RBM41: variants seen among roughly 807,000 people sequenced by gnomAD.
RBM41 encodes RNA-binding protein 41.
In RBM41, 14 loss-of-function variants were observed where a neutral mutation model predicts 30.8. The observed-to-expected ratio is 0.45, with a 90% CI of 0.30 to 0.71. The LOEUF is 0.71. RBM41 is among the 30% of genes least tolerant of loss of function. RBM41 has a pLI of 0.08. For synonymous variants in RBM41, 120 were observed against 110.1 expected (o/e 1.09, Z -0.56); for missense variants, 276 against 326.3 (o/e 0.85, Z 1.19).
chrX:107,062,238 T>C lies in RBM41; in HGVS notation c.*5289A>G, dbSNP rs763831058. 8.9e-6 allele frequency among the ~76,000 whole-genome samples: 1 copy of C among 112,198 alleles called. No individual in the cohort carries two copies. Among genetic ancestry groups the C allele is most frequent in the Admixed American group, 9.4e-5 (1 of 10,616 alleles). On this transcript the variant is annotated 3_prime_UTR_variant, in exon 8 of 8. Coordinates refer to ENST00000685964, the MANE Select transcript of RBM41 (RefSeq NM_001324242.2). Reference sequence around the variant, plus strand: ...TCATCCAAGTGGTTGCATGTGTATTTCATTAGTTTATTGCTGAGTAGGATT... The same window carrying C: ...TCATCCAAGTGGTTGCATGTGTATTCCATTAGTTTATTGCTGAGTAGGATT...
At chrX:107,104,557 T>G (rs1326417601) in intron 5 of RBM41, among the ~76,000 whole-genome samples, 1 of 111,624 alleles carries the variant, frequency 9.0e-6, no homozygotes. Flanking sequence ...GGCTTAAATT[T>G]TTACATTTCA....
chrX:107,063,950 TTC>T lies in RBM41; in HGVS notation c.*3575_*3576del, dbSNP rs1935740440. 9.4e-6 allele frequency among the ~76,000 whole-genome samples: 1 copy of T among 105,824 alleles called. No individual in the cohort carries two copies. Among genetic ancestry groups the T allele is most frequent in the African/African-American group, 3.6e-5 (1 of 27,959 alleles). The allele number at this position is 105,824 out of a possible 115,157, so 91.9% of individuals were successfully genotyped here. On this transcript the variant is annotated 3_prime_UTR_variant, in exon 8 of 8. Coordinates refer to ENST00000685964, the MANE Select transcript of RBM41 (RefSeq NM_001324242.2). ...TGAGGTTAGTGCTATGGTCTTTCTT[TTC>T]TTTTTTTTTTTTTTTTTGAGATGGA...
chrX:107,077,573 AACACACACACACAC>A (rs35841168), intron 6 of RBM41, among the ~76,000 whole-genome samples: 6 of 92,698 alleles, frequency 6.5e-5, no homozygotes, highest in East Asian at 3.5e-4. Flanking sequence ...CAACATACAT[AACACACACACACAC>A]ACACACACAC....
chrX:107,061,209 T>C (rs975801640), downstream of RBM41, among the ~76,000 whole-genome samples: 2 of 112,111 alleles, frequency 1.8e-5, no homozygotes, highest in African/African-American at 3.2e-5. Flanking sequence ...TAAGGTCTAA[T>C]AGTTAATAGT....
chrX:107,082,138 A>T (rs1338272282), intron 6 of RBM41, among the ~76,000 whole-genome samples: 1 of 111,679 alleles, frequency 9.0e-6, no homozygotes. Flanking sequence ...GTATAATGTT[A>T]GCTGTAGGGT....
intron 5 of RBM41, among the ~76,000 whole-genome samples, chrX:107,092,834 T>A (rs1351862365): frequency 2.7e-5 from 3 of 111,653 alleles, no homozygotes; most frequent in Non-Finnish European, 5.6e-5. Context: ...ATGCTCAACA[T>A]ACAATCCATC....
intron 5 of RBM41, among the ~76,000 whole-genome samples, chrX:107,099,179 G>A (rs1322413457): frequency 9.0e-6 from 1 of 111,295 alleles, no homozygotes; most frequent in Non-Finnish European, 1.9e-5. Flanking sequence ...CACAGAACAA[G>A]TATCCATAAT....
Position 107,088,746 on chromosome X carries a change from T to C in RBM41, c.689A>G (p.Gln230Arg). Residue 230 changes from glutamine to arginine, a missense_variant, in exon 6 of 8, where the codon CAA becomes CGA. Gln to Arg is a conservative substitution (Grantham distance 43). Transcript: ENST00000685964. ...MIMKKRLEEF[Q>R]LMRGEPFASH... Reference sequence around the variant, plus strand: ...AGCAAAGGGTTCACCTCTCATAAGTTGAAACTCTTCAAGACGTTTTTTCAT... The same window carrying C: ...AGCAAAGGGTTCACCTCTCATAAGTCGAAACTCTTCAAGACGTTTTTTCAT... 1 of 1,211,482 alleles carries C rather than the reference T, an allele frequency of 8.3e-7. No homozygotes were observed.
chrX:107,108,057 T>A (rs1924163278), intron 5 of RBM41, among the ~76,000 whole-genome samples: 1 of 111,697 alleles, frequency 9.0e-6, no homozygotes, highest in South Asian at 3.7e-4. Flanking sequence ...AACCAATAAA[T>A]CTTTTCCAAT....
At chrX:107,095,765 T>C (rs1009895463) in intron 5 of RBM41, among the ~76,000 whole-genome samples, 5 of 111,083 alleles carry the variant, frequency 4.5e-5, no homozygotes, top group African/African-American at 1.6e-4. Context: ...GTAATCCCAG[T>C]GCTTTGAGAG....
chrX:107,054,944 C>G, the RBM41 span, among the ~76,000 whole-genome samples: 1 of 112,130 alleles, frequency 8.9e-6, no homozygotes, highest in Non-Finnish European at 1.9e-5. Context: ...ACCTCTATCT[C>G]ACTCCAGAAT....
chrX:107,083,848 A>G (rs973114160), intron 6 of RBM41, among the ~76,000 whole-genome samples: 10 of 110,189 alleles, frequency 9.1e-5, no homozygotes, highest in Non-Finnish European at 5.7e-5. Context: ...GGTTATTTTA[A>G]ATTCCATATC....
At chrX:107,054,253 T>C in the RBM41 span, among the ~76,000 whole-genome samples, 1 of 111,584 alleles carries the variant, frequency 9.0e-6, no homozygotes, top group African/African-American at 3.3e-5. Context: ...CCCTGTATTA[T>C]TTTAACTGCT....
Position 107,113,244 on chromosome X carries a change from C to G in RBM41, c.595+153G>C, listed in dbSNP as rs866971697. On this transcript the variant is annotated intron_variant, in intron 5 of 7. Coordinates refer to ENST00000685964, the MANE Select transcript of RBM41 (RefSeq NM_001324242.2). ...AAAGCTTTACAACTTCTACTAACTC[C>G]TCTCTTTAATATTCTGTATCAGGAT... 346 of 656,287 alleles carry G rather than the reference C, an allele frequency of 5.3e-4. 3 individuals are homozygous for G. In the African/African-American group the frequency reaches 7.5e-3, roughly 14 times the overall value. 54.1% of individuals were successfully genotyped at this position (656,287 alleles called of 1,213,427 possible).
intron 5 of RBM41, among the ~76,000 whole-genome samples, chrX:107,101,480 G>A (rs1053845099): frequency 1.8e-5 from 2 of 111,354 alleles, no homozygotes; most frequent in Admixed American, 9.6e-5. Context: ...AATGACTGAT[G>A]TCCTTATAAG....
chrX:107,060,717 G>A (rs1284779106), downstream of RBM41, among the ~76,000 whole-genome samples: 1 of 111,312 alleles, frequency 9.0e-6, no homozygotes, highest in Non-Finnish European at 1.9e-5. Flanking sequence ...CTGCTGTCAA[G>A]AACCATTGAT....
intron 5 of RBM41, among the ~76,000 whole-genome samples, chrX:107,107,613 T>C (rs1343218134): frequency 3.6e-5 from 4 of 111,369 alleles, no homozygotes; most frequent in Admixed American, 9.5e-5. Context: ...GATGTAGAAA[T>C]AGAGAAGGCA....
chrX:107,102,298 T>G (rs1285555), intron 5 of RBM41, among the ~76,000 whole-genome samples: 5,958 of 111,288 alleles, frequency 0.054, 405 homozygotes, highest in African/African-American at 0.19. Context: ...TTCTCCCTGA[T>G]GCTTATAATA....
intron 5 of RBM41, among the ~76,000 whole-genome samples, chrX:107,096,647 G>GA (rs892589038): frequency 2.7e-4 from 29 of 108,170 alleles, no homozygotes; most frequent in African/African-American, 6.7e-4. Flanking sequence ...AAGTACTCCA[G>GA]AAAAAAAAAT....
Sources: gnomAD v4.1 joint callset for allele counts (sites outside exome capture counted in the v4.1 genomes callset) on GRCh38, gnomAD v4.1.1 for gene constraint, MANE v1.5 for transcripts, NCBI Gene and HGNC (gene_info 2026-07-23, HGNC 2026-07-21) for gene names.